Variants in DNMT3A observed in about 807,000 individuals in gnomAD.
The protein encoded by DNMT3A is DNA (cytosine-5)-methyltransferase 3A.
In DNMT3A, 267 loss-of-function variants were observed where a neutral mutation model predicts 117.6. The observed-to-expected ratio is 2.27, with a 90% CI of 2.05 to 2.51. The LOEUF (loss-of-function observed/expected upper bound fraction) is 2.51. Among genes scored for constraint, DNMT3A ranks in the 30% most tolerant of loss-of-function variants. The pLI, the probability that DNMT3A is intolerant of heterozygous loss-of-function variation, is 0.00. For missense variants in DNMT3A, 1,029 were observed against 1,260.2 expected (o/e 0.82, Z 2.78); for synonymous variants, 432 against 474.8 (o/e 0.91, Z 1.17).
rs2149259738 is a variant in DNMT3A at position 25,236,409 on chromosome 2, C to T, written c.2478+527G>A. Reference sequence around the variant, plus strand: ...TAGAAGCTGTAGCCACTGTACTTTCCAAGTCTTCCAAAGAATTAGTTCTTT... The same window carrying T: ...TAGAAGCTGTAGCCACTGTACTTTCTAAGTCTTCCAAAGAATTAGTTCTTT... On this transcript the variant is annotated intron_variant, in intron 21 of 22. Transcript: ENST00000321117. The surrounding 1 kb of genome is among the most constrained non-coding windows in gnomAD (Gnocchi z 4.5). Among the ~76,000 whole-genome samples the T allele has an allele frequency of 6.6e-6, 1 of 152,258 alleles. No homozygotes were observed. The highest frequency in any genetic ancestry group is 1.9e-4 in the East Asian group (1 of 5,178).
intron 1 of DNMT3A, among the ~76,000 whole-genome samples, chr2:25,328,385 G>A (rs1304472553): frequency 6.6e-6 from 1 of 151,652 alleles, no homozygotes; most frequent in East Asian, 1.9e-4. Context: ...GACACCCCTG[G>A]CTCCCACCCT....
At chr2:25,241,781 C>T in intron 16 of DNMT3A, 74 bp from the exon 17 acceptor site, 1 of 1,568,008 alleles carries the variant, frequency 6.4e-7, no homozygotes, top group South Asian at 1.2e-5. Context: ...GGTGAGCCTG[C>T]TGGCCAACAG....
At chr2:25,302,976 G>C (rs891221996) in intron 2 of DNMT3A, among the ~76,000 whole-genome samples, 1 of 152,182 alleles carries the variant, frequency 6.6e-6, no homozygotes, top group African/African-American at 2.4e-5. Flanking sequence ...TAAAATGGGG[G>C]TAGGGAGGTG....
At chr2:25,287,386 C>T (rs967887383) in intron 3 of DNMT3A, among the ~76,000 whole-genome samples, 2 of 152,110 alleles carry the variant, frequency 1.3e-5, no homozygotes, top group African/African-American at 4.8e-5. Flanking sequence ...CAGCTTGGTC[C>T]TATCACCCAC....
At chr2:25,240,184 C>G in intron 19 of DNMT3A, 118 bp downstream of exon 19, 2 of 1,457,090 alleles carry the variant, frequency 1.4e-6, no homozygotes, top group Non-Finnish European at 1.9e-6. Context: ...CCAAACAGGC[C>G]CCTTGCAAAG....
intron 3 of DNMT3A, among the ~76,000 whole-genome samples, chr2:25,285,591 A>T (rs1453257870): frequency 6.6e-6 from 1 of 152,202 alleles, no homozygotes; most frequent in Admixed American, 6.5e-5. Flanking sequence ...GAGGAAGAGG[A>T]GGTGACTGGT....
At chr2:25,239,605 T>C (rs2149268968) in intron 19 of DNMT3A, 1 of 499,624 alleles carries the variant, frequency 2.0e-6, no homozygotes, top group South Asian at 1.6e-5. Flanking sequence ...TGCACAGTGC[T>C]GCTCTAGACT....
Position 25,247,351 on chromosome 2 carries a change from G to T in DNMT3A, c.1015-193C>A. 2.6e-6 allele frequency: 2 copies of T among 783,490 alleles called. No individual in the cohort carries two copies. Among genetic ancestry groups the T allele is most frequent in the Non-Finnish European group, 2.0e-6 (1 of 497,272 alleles). The allele number at this position is 783,490 out of a possible 1,614,324, so 48.5% of individuals were successfully genotyped here. On this transcript the variant is annotated intron_variant, in intron 8 of 22. Transcript: ENST00000321117. This position sits in a 1 kb window ranked among gnomAD's most constrained non-coding sequence, Gnocchi z 5.6. ...AGTAGGGAAGTACCTGAGTGCAGGTGGAAAGGAATTCTAGTGAATAGGTTC... is the reference window on the plus strand; with the variant it reads ...AGTAGGGAAGTACCTGAGTGCAGGTTGAAAGGAATTCTAGTGAATAGGTTC...
At chr2:25,279,862 T>C (rs1487291214) in intron 4 of DNMT3A, among the ~76,000 whole-genome samples, 1 of 152,084 alleles carries the variant, frequency 6.6e-6, no homozygotes, top group Non-Finnish European at 1.5e-5. Flanking sequence ...AATTTTTTTT[T>C]GTATTTTTAG....
chr2:25,310,462 A>G (rs1339893424), intron 2 of DNMT3A, among the ~76,000 whole-genome samples: 2 of 151,618 alleles, frequency 1.3e-5, no homozygotes, highest in Non-Finnish European at 2.9e-5. Context: ...TCTGCCCACC[A>G]TATGGATGGC....
rs1368399613 is a variant in DNMT3A at position 25,304,708 on chromosome 2, G to A, written c.73-4465C>T. On this transcript the variant is annotated intron_variant, in intron 2 of 22. Transcript: ENST00000321117. This position sits in a 1 kb window ranked among gnomAD's most constrained non-coding sequence, Gnocchi z 4.3. ...GCAGGGCGGTCCCCAGGATTTGGCT[G>A]GATCGCCTTGGTCTCTTCTCCACAC... is the stretch of plus-strand genomic sequence containing the variant. Among the ~76,000 whole-genome samples, 1 of 152,230 alleles carries A rather than the reference G, an allele frequency of 6.6e-6. No homozygotes were observed. The highest frequency in any genetic ancestry group is 1.5e-5 in the Non-Finnish European group (1 of 68,040).
At chr2:25,244,452 C>T in intron 14 of DNMT3A, 88 bp downstream of exon 14, 1 of 1,553,272 alleles carries the variant, frequency 6.4e-7, no homozygotes, top group Non-Finnish European at 8.8e-7. Context: ...GGTGGAGGGT[C>T]TGTGGGGAAG....
At chr2:25,292,519 C>T (rs1011069220) in intron 3 of DNMT3A, among the ~76,000 whole-genome samples, 5 of 152,076 alleles carry the variant, frequency 3.3e-5, no homozygotes, top group Non-Finnish European at 7.4e-5. Flanking sequence ...CTTTTCTGTG[C>T]TTCATTTATC....
intron 1 of DNMT3A, among the ~76,000 whole-genome samples, chr2:25,340,996 C>G (rs1471279287): frequency 6.8e-5 from 10 of 146,734 alleles, no homozygotes; most frequent in Non-Finnish European, 4.6e-5. Context: ...CTCTCCGTGC[C>G]GCCGGCACTC....
intron 1 of DNMT3A, among the ~76,000 whole-genome samples, chr2:25,325,624 A>G (rs2034757861): frequency 6.6e-6 from 1 of 152,134 alleles, no homozygotes; most frequent in East Asian, 1.9e-4. Flanking sequence ...ACATATTATA[A>G]TGCTTTCCCT....
chr2:25,290,930 G>A (rs561731725), intron 3 of DNMT3A, among the ~76,000 whole-genome samples: 296 of 152,296 alleles, frequency 1.9e-3, no homozygotes, highest in African/African-American at 6.9e-3. Flanking sequence ...CACCCAGAGG[G>A]CCGGGCCTGC....
chr2:25,329,515 C>T (rs1482896049), intron 1 of DNMT3A, among the ~76,000 whole-genome samples: 1 of 152,038 alleles, frequency 6.6e-6, no homozygotes, highest in Non-Finnish European at 1.5e-5. Flanking sequence ...GTGGCTTGTG[C>T]TCACTCCTAG....
chr2:25,242,279 G>C (rs902709080), intron 16 of DNMT3A, among the ~76,000 whole-genome samples: 4 of 152,026 alleles, frequency 2.6e-5, no homozygotes, highest in Admixed American at 2.6e-4. Context: ...AGACAGAGGA[G>C]GCCTCCTTCA....
chr2:25,231,898 CCA>C lies in DNMT3A; in HGVS notation c.*2379_*2380del, dbSNP rs1416948967. 1.3e-5 allele frequency: 2 copies of C among 151,610 alleles called. No homozygotes were observed. The highest frequency in any genetic ancestry group is 6.6e-5 in the Admixed American group (1 of 15,212). 9.4% of individuals were successfully genotyped at this position (151,610 alleles called of 1,614,324 possible). ...AGGTAAATAGCTGCACGGGCTGACT[CCA>C]CAAAGTCCTGAACCCTGGGAGAAGA... On this transcript the variant is annotated 3_prime_UTR_variant, in exon 23 of 23. Transcript: ENST00000321117.
Sources: gnomAD v4.1 joint callset for allele counts (sites outside exome capture counted in the v4.1 genomes callset) on GRCh38, gnomAD v4.1.1 for gene constraint, Gnocchi (gnomAD v3.1) non-coding constraint, MANE v1.5 for transcripts, NCBI Gene and HGNC (gene_info 2026-07-23, HGNC 2026-07-21) for gene names.